The following PPFIBP2 variants were observed in gnomAD, a reference collection of about 807,000 sequenced individuals.
The protein encoded by PPFIBP2 is PPFIB scaffold protein 2.
In PPFIBP2, 118 loss-of-function variants were observed where a neutral mutation model predicts 118.3. The observed-to-expected ratio is 1.00, with a 90% CI of 0.86 to 1.16. PPFIBP2 has a LOEUF of 1.16. Ranked by LOEUF, PPFIBP2 falls within the 50% of genes most tolerant of loss-of-function variation. The pLI is 0.00. For missense variants in PPFIBP2, 1,195 were observed against 1,073.1 expected, an observed-to-expected ratio of 1.11 and a Z score of -1.59; for synonymous variants, 414 against 397.4, an observed-to-expected ratio of 1.04 and a Z score of -0.50.
At chr11:7,609,817 G>GAA (rs1296015653) in intron 5 of PPFIBP2, among the ~76,000 whole-genome samples, 1 of 152,150 alleles carries the variant, frequency 6.6e-6, no homozygotes, top group Non-Finnish European at 1.5e-5. Flanking sequence ...CTCCTGTCTA[G>GAA]GTTCATTGCA....
At chr11:7,606,110 T>G in intron 5 of PPFIBP2, 4 of 1,371,954 alleles carry the variant, frequency 2.9e-6, no homozygotes, top group Non-Finnish European at 3.9e-6. Flanking sequence ...AAGAGCACTG[T>G]CTTAGAATAG....
chr11:7,629,648 T>C, intron 10 of PPFIBP2, 114 bp downstream of exon 10: 1 of 1,014,036 alleles, frequency 9.9e-7, no homozygotes, highest in Non-Finnish European at 1.5e-6. Context: ...GAAGACTCCC[T>C]ACTGGAGAAC....
At chr11:7,654,319 G>A (rs1005063239), downstream of PPFIBP2, among the ~76,000 whole-genome samples, 4 of 152,212 alleles carry the variant, frequency 2.6e-5, no homozygotes, top group Admixed American at 6.5e-5. Context: ...AGGTAGAGAT[G>A]TGCCTTGCCA....
At chr11:7,553,644 G>A (rs201008633) in intron 2 of PPFIBP2, among the ~76,000 whole-genome samples, 94 of 152,264 alleles carry the variant, frequency 6.2e-4, no homozygotes, top group African/African-American at 1.9e-3. Flanking sequence ...TTTACTTATC[G>A]ATAAAATAGC....
downstream of PPFIBP2, among the ~76,000 whole-genome samples, chr11:7,654,989 T>C (rs1300457966): frequency 6.6e-6 from 1 of 152,104 alleles, no homozygotes; most frequent in Admixed American, 6.6e-5. Flanking sequence ...GGGAGGCTCT[T>C]GAGTAGTGAG....
intron 2 of PPFIBP2, among the ~76,000 whole-genome samples, chr11:7,560,773 T>C (rs917689265): frequency 6.6e-6 from 1 of 152,226 alleles, no homozygotes; most frequent in African/African-American, 2.4e-5. Context: ...GAGGGTACCC[T>C]TATGAACAGC....
In PPFIBP2 at chr11:7,649,522, C is replaced by T. The variant is rs751919065; in HGVS notation, c.1999-10C>T. 6.2e-7 allele frequency: 1 copy of T among 1,614,080 alleles called. No individual in the cohort carries two copies. Among genetic ancestry groups the T allele is most frequent in the Admixed American group, 1.7e-5 (1 of 60,010 alleles). ...AACTCTGGTTTATAAACCAAACTTT[C>T]CTCTTTCAGAACGATTTACTCTTCT... On this transcript the variant is annotated splice_polypyrimidine_tract_variant and intron_variant, in intron 20 of 23. Transcript: ENST00000299492.
downstream of PPFIBP2, chr11:7,655,497 C>T (rs551580594): frequency 4.6e-4 from 590 of 1,289,744 alleles, 9 homozygotes; most frequent in South Asian, 6.4e-3. Flanking sequence ...CACCGCCTTA[C>T]GGTAGGACTC....
chr11:7,592,936 C>T (rs1222812610), intron 3 of PPFIBP2, among the ~76,000 whole-genome samples, 196 bp from the exon 4 acceptor site: 1 of 152,188 alleles, frequency 6.6e-6, no homozygotes, highest in Non-Finnish European at 1.5e-5. Flanking sequence ...CCAGGGCGCA[C>T]TTTTCAGTGG....
chr11:7,523,544 A>G (rs1849954839), intron 1 of PPFIBP2, among the ~76,000 whole-genome samples: 1 of 152,138 alleles, frequency 6.6e-6, no homozygotes, highest in South Asian at 2.1e-4. Flanking sequence ...TAAGGCCAAA[A>G]TATGTGCACG....
intron 17 of PPFIBP2, among the ~76,000 whole-genome samples, chr11:7,647,373 TTA>T (rs1449898721): frequency 6.6e-6 from 1 of 152,294 alleles, no homozygotes; most frequent in East Asian, 1.9e-4. Context: ...ATTGATGGCT[TTA>T]TAAAACCCAG....
chr11:7,666,740 A>G, the PPFIBP2 span: 4 of 498,200 alleles, frequency 8.0e-6, no homozygotes, highest in Non-Finnish European at 7.2e-6. Context: ...TTGTGGATGA[A>G]GTTCCTCCAT....
At chr11:7,580,384 A>G (rs1372135730) in intron 3 of PPFIBP2, among the ~76,000 whole-genome samples, 1 of 152,224 alleles carries the variant, frequency 6.6e-6, no homozygotes, top group Non-Finnish European at 1.5e-5. Flanking sequence ...TTTTGAAGGT[A>G]GAAACACTAT....
chr11:7,644,793 C>A (rs1401573597), intron 17 of PPFIBP2, among the ~76,000 whole-genome samples: 1 of 151,588 alleles, frequency 6.6e-6, no homozygotes, highest in Non-Finnish European at 1.5e-5. Flanking sequence ...TTTGGGAGGC[C>A]GAGGCGGGCG....
At chr11:7,657,735 C>T (rs1000367284), downstream of PPFIBP2, among the ~76,000 whole-genome samples, 2 of 152,320 alleles carry the variant, frequency 1.3e-5, no homozygotes, top group Non-Finnish European at 2.9e-5. Context: ...TCTCAAGGCA[C>T]GGCAAAGAGA....
chr11:7,666,561 A>G, the PPFIBP2 span: 1 of 1,604,178 alleles, frequency 6.2e-7, no homozygotes, highest in Non-Finnish European at 8.5e-7. Flanking sequence ...CTAGAAAAGA[A>G]GCAACACTGA....
Position 7,616,504 on chromosome 11 carries a change from G to A in PPFIBP2, c.619-4431G>A, listed in dbSNP as rs917294302. On this transcript the variant is annotated intron_variant, in intron 6 of 23. Coordinates refer to ENST00000299492, the MANE Select transcript of PPFIBP2 (RefSeq NM_003621.5). The surrounding 1 kb of genome is among the most constrained non-coding windows in gnomAD (Gnocchi z 5.2). ...TTATCGGTTTGGCCGGGAATGTGTC[G>A]TGTGGTAGACCAGGTAAATCCACAT... 1.1e-4 allele frequency among the ~76,000 whole-genome samples: 17 copies of A among 152,200 alleles called. No homozygotes were observed. The highest frequency in any genetic ancestry group is 3.6e-4 in the African/African-American group (15 of 41,446).
intron 5 of PPFIBP2, among the ~76,000 whole-genome samples, chr11:7,607,680 T>C (rs1022648182): frequency 6.6e-6 from 1 of 152,144 alleles, no homozygotes; most frequent in Non-Finnish European, 1.5e-5. Flanking sequence ...CTCAGTAGTC[T>C]GAAGACATTT....
intron 3 of PPFIBP2, among the ~76,000 whole-genome samples, chr11:7,569,473 C>T (rs1855407872): frequency 6.6e-6 from 1 of 152,186 alleles, no homozygotes; most frequent in Non-Finnish European, 1.5e-5. Flanking sequence ...CCTAGAAGGG[C>T]ATGTGCAAGG....
Sources: gnomAD v4.1 joint callset for allele counts (sites outside exome capture counted in the v4.1 genomes callset) on GRCh38, gnomAD v4.1.1 for gene constraint, Gnocchi (gnomAD v3.1) non-coding constraint, MANE v1.5 for transcripts, NCBI Gene and HGNC (gene_info 2026-07-23, HGNC 2026-07-21) for gene names.